Variants in CDC42EP1 observed in about 807,000 individuals in gnomAD.
CDC42EP1 encodes the protein 55 kDa bone marrow stromal/endothelial cell protein.
Under a neutral mutation model 7.4 loss-of-function variants are expected in CDC42EP1, and 6 were observed. That is an observed-to-expected ratio of 0.81 (90% confidence interval 0.44 to 1.60). The LOEUF is 1.60. Among genes scored for constraint, CDC42EP1 ranks in the 40% most tolerant of loss-of-function variants. CDC42EP1 has a pLI of 0.01. For missense variants in CDC42EP1, 567 were observed against 539.0 expected (o/e 1.05, Z -0.51); for synonymous variants, 238 against 227.1 (o/e 1.05, Z -0.43).
At chr22:37,567,973 G>A (rs1488388127) in intron 2 of CDC42EP1, 135 bp from the exon 3 acceptor site, 6 of 713,662 alleles carry the variant, frequency 8.4e-6, no homozygotes, top group African/African-American at 5.3e-5. Context: ...CTATTGGAAA[G>A]ATGGGAGAAA....
At chr22:37,564,832 G>T (rs945546368) in intron 1 of CDC42EP1, among the ~76,000 whole-genome samples, 6 of 152,214 alleles carry the variant, frequency 3.9e-5, no homozygotes, top group Non-Finnish European at 8.8e-5. Context: ...AGGCTGGAGT[G>T]CAGTGGCGCA....
intron 1 of CDC42EP1, among the ~76,000 whole-genome samples, chr22:37,564,980 A>T (rs565523126): frequency 2.2e-4 from 33 of 152,036 alleles, no homozygotes; most frequent in Non-Finnish European, 3.8e-4. Context: ...GGGTTTCACC[A>T]TGTTGGCCAG....
Position 37,568,523 on chromosome 22 carries a change from G to C in CDC42EP1, c.879G>C (p.Gly293=), listed in dbSNP as rs560224489. Reference sequence around the variant, plus strand: ...ACTGTCCCAATGGGGTAACAGCTGGGTTGGGCCCAGTGGCTGAGGTGAAGT... The same window carrying C: ...ACTGTCCCAATGGGGTAACAGCTGGCTTGGGCCCAGTGGCTGAGGTGAAGT... ...HGHCPNGVTA[G]LGPVAEVKSS... Residue 293 remains glycine, a synonymous_variant, in exon 3 of 3, where the codon GGG becomes GGC. Coordinates refer to ENST00000249014, the MANE Select transcript of CDC42EP1 (RefSeq NM_152243.3). 1 of 1,609,952 alleles carries C rather than the reference G, an allele frequency of 6.2e-7. No homozygotes were observed. The highest frequency in any genetic ancestry group is 1.3e-5 in the African/African-American group (1 of 75,004).
chr22:37,563,990 C>G (rs1018396474), intron 1 of CDC42EP1, among the ~76,000 whole-genome samples: 23 of 152,358 alleles, frequency 1.5e-4, no homozygotes, highest in African/African-American at 5.3e-4. Flanking sequence ...CCTCCCCACC[C>G]TCCAAGTGCA....
At position 37,568,339 on chromosome 22, in the gene CDC42EP1, C is replaced by T. The variant is rs144367023; in HGVS notation, c.695C>T (p.Pro232Leu). 10 of 1,604,956 alleles carry T rather than the reference C, an allele frequency of 6.2e-6. No individual in the cohort carries two copies. The highest frequency in any genetic ancestry group is 3.3e-5 in the South Asian group (3 of 90,848). The change falls in exon 3 of 3, where the codon CCA (proline) becomes CTA (leucine). Residue 232 changes from proline (P) to leucine (L), a missense_variant. Pro to Leu is a moderately conservative substitution (Grantham distance 98, BLOSUM62 -3). Coordinates refer to ENST00000249014, the MANE Select transcript of CDC42EP1 (RefSeq NM_152243.3). The part of the protein sequence containing the change: ...AETPAPAANP[P>L]APTANPTGPA... ...ACTCCAGCCCCCGCTGCAAACCCCC[C>T]AGCCCCTACTGCAAACCCCACGGGT...
intron 2 of CDC42EP1, among the ~76,000 whole-genome samples, chr22:37,567,876 C>G (rs1925302092): frequency 6.6e-6 from 1 of 152,238 alleles, no homozygotes; most frequent in African/African-American, 2.4e-5. Context: ...CTCACTTTCC[C>G]CATCTGCATA....
Position 37,568,183 on chromosome 22 carries a change from C to G in CDC42EP1, c.539C>G (p.Ser180Cys). The change falls in exon 3 of 3, where the codon TCC becomes TGC. Residue 180 changes from serine (S) to cysteine (C), a missense_variant. Transcript: ENST00000249014. ...CCGCATGACCGAGACCGGGATGGTT[C>G]CTTCCCCTCTGAGCCCGGGCTTCGC... ...EKPHDRDRDG[S>C]FPSEPGLRRS... is the part of the protein sequence containing the mutation. The G allele has an allele frequency of 1.2e-6, 2 of 1,614,022 alleles. No homozygotes were observed. Among genetic ancestry groups the G allele is most frequent in the Middle Eastern group, 3.3e-4 (2 of 6,060 alleles).
At chr22:37,562,592 G>A (rs998440054) in intron 1 of CDC42EP1, among the ~76,000 whole-genome samples, 1 of 152,220 alleles carries the variant, frequency 6.6e-6, no homozygotes, top group Non-Finnish European at 1.5e-5. Context: ...TGGGAAGACC[G>A]GGTCCCAATA....
In CDC42EP1 at chr22:37,568,572, C is replaced by G. The variant is rs752982114; in HGVS notation, c.928C>G (p.Arg310Gly). ...GTCCAGCCCAGTGGGAGGGGGTCCC[C>G]GAGGACCTGCTGGCCCTGCCCTCGG... ...VKSSPVGGGP[R>G]GPAGPALGRH... The change falls in exon 3 of 3, where the codon CGA becomes GGA. Residue 310 changes from arginine (R) to glycine (G), a missense_variant. By Grantham distance (125) the Arg-to-Gly change is moderately radical. Transcript: ENST00000249014. The G allele has an allele frequency of 6.2e-7, 1 of 1,603,560 alleles. No homozygotes were observed. Among genetic ancestry groups the G allele is most frequent in the Non-Finnish European group, 8.5e-7 (1 of 1,175,398 alleles).
At position 37,568,562 on chromosome 22, in the gene CDC42EP1, A is replaced by AG; in HGVS notation, c.923dup (p.Pro309SerfsTer71). On this transcript the variant is annotated frameshift_variant, in exon 3 of 3. Coordinates refer to ENST00000249014, the MANE Select transcript of CDC42EP1 (RefSeq NM_152243.3). LOFTEE classifies it low-confidence loss of function (END_TRUNC). The stretch of plus-strand genomic sequence containing the variant: ...CTGAGGTGAAGTCCAGCCCAGTGGG[A>AG]GGGGGTCCCCGAGGACCTGCTGGCC... 2.5e-6 allele frequency: 4 copies of AG among 1,607,052 alleles called. No individual in the cohort carries two copies. The highest frequency in any genetic ancestry group is 2.7e-5 in the African/African-American group (2 of 74,938).
rs780902663 is a variant in CDC42EP1 at position 37,568,802 on chromosome 22, T to C, written c.1158T>C (p.Asp386=). ...NTFEFADAEE[D]DEVKV The stretch of plus-strand genomic sequence containing the variant: ...TTGAATTTGCGGATGCTGAGGAGGA[T>C]GATGAGGTCAAGGTGTGAGGGGCTG... The change falls in exon 3 of 3, where the codon GAT becomes GAC. Residue 386 remains aspartate, a synonymous_variant. Transcript: ENST00000249014. 2.0e-6 allele frequency: 3 copies of C among 1,494,048 alleles called. No individual in the cohort carries two copies. The Admixed American group carries it at 7.1e-5, about 35-fold the overall frequency. 92.5% of individuals were successfully genotyped at this position (1,494,048 alleles called of 1,614,324 possible). A position where few individuals can be genotyped will look rare whatever the true frequency, so the allele number is the denominator to read the frequency against.
intron 1 of CDC42EP1, among the ~76,000 whole-genome samples, chr22:37,560,911 G>C (rs376963111): frequency 6.6e-6 from 1 of 151,976 alleles, no homozygotes; most frequent in African/African-American, 2.4e-5. Flanking sequence ...CTTCCTGCGC[G>C]GGGGAAGGAA....
At position 37,566,251 on chromosome 22, in the gene CDC42EP1, G is replaced by T. The variant is rs914595744; in HGVS notation, c.-99G>T. Reference sequence around the variant, plus strand: ...TAGGAGAGTGCCATTTACAGCTTCCGCCAGGGCAAAGGAGCTGAGCAGCCA... The same window carrying T: ...TAGGAGAGTGCCATTTACAGCTTCCTCCAGGGCAAAGGAGCTGAGCAGCCA... On this transcript the variant is annotated 5_prime_UTR_variant, in exon 2 of 3. Transcript: ENST00000249014. The surrounding 1 kb of genome is among the most constrained non-coding windows in gnomAD (Gnocchi z 6.4). 4.3e-6 allele frequency: 3 copies of T among 693,346 alleles called. No homozygotes were observed. Among genetic ancestry groups the T allele is most frequent in the Non-Finnish European group, 7.0e-6 (3 of 427,768 alleles). The allele number at this position is 693,346 out of a possible 1,614,324, so 42.9% of individuals were successfully genotyped here. A position where few individuals can be genotyped will look rare whatever the true frequency, so the allele number is the denominator to read the frequency against.
At position 37,566,424 on chromosome 22, in the gene CDC42EP1, C is replaced by A; in HGVS notation, c.75C>A (p.Ser25=). 1 of 1,607,876 alleles carries A rather than the reference C, an allele frequency of 6.2e-7. No homozygotes were observed. The highest frequency in any genetic ancestry group is 8.5e-7 in the Non-Finnish European group (1 of 1,177,088). The part of the protein sequence containing the change: ...LGKLSPVGWV[S]SSQGKRRLTA... The stretch of plus-strand genomic sequence containing the variant: ...AGCTCTCGCCTGTGGGCTGGGTGTC[C>A]AGTTCACAGGGAAAGAGGCGGCTGA... Residue 25 remains serine, a synonymous_variant, in exon 2 of 3, where the codon TCC becomes TCA. Coordinates refer to ENST00000249014, the MANE Select transcript of CDC42EP1 (RefSeq NM_152243.3). This position sits in a 1 kb window ranked among gnomAD's most constrained non-coding sequence, Gnocchi z 6.4.
intron 1 of CDC42EP1, chr22:37,564,333 C>T (rs906261578): frequency 6.6e-6 from 1 of 152,190 alleles, no homozygotes; most frequent in African/African-American, 2.4e-5. Flanking sequence ...AAAGCTTGCT[C>T]CCTGACAGCA....
chr22:37,561,419 C>G (rs1201237738), intron 1 of CDC42EP1, among the ~76,000 whole-genome samples: 1 of 152,252 alleles, frequency 6.6e-6, no homozygotes, highest in African/African-American at 2.4e-5. Flanking sequence ...GGCTCTAACT[C>G]GGGGCGGTGG....
At chr22:37,562,769 CA>C (rs34912439) in intron 1 of CDC42EP1, among the ~76,000 whole-genome samples, 41,629 of 151,740 alleles carry the variant, frequency 0.27, 5,849 homozygotes, top group Middle Eastern at 0.34. Context: ...CATGGGGGTT[CA>C]GGGGGGAGGA....
intron 1 of CDC42EP1, among the ~76,000 whole-genome samples, chr22:37,561,651 GT>G: frequency 6.6e-6 from 1 of 152,308 alleles, no homozygotes; most frequent in Middle Eastern, 3.4e-3. Context: ...ACCAGAGCAG[GT>G]TTGGGGGAGC....
At chr22:37,561,298 G>A (rs905519187) in intron 1 of CDC42EP1, among the ~76,000 whole-genome samples, 1 of 152,230 alleles carries the variant, frequency 6.6e-6, no homozygotes, top group African/African-American at 2.4e-5. Flanking sequence ...GGAAACTGAG[G>A]CTTAGAGAGT....
Sources: allele counts gnomAD v4.1 joint callset (sites outside exome capture counted in the v4.1 genomes callset), GRCh38; gene constraint gnomAD v4.1.1; non-coding constraint Gnocchi (gnomAD v3.1); transcripts MANE v1.5; gene names NCBI Gene and HGNC (gene_info 2026-07-23, HGNC 2026-07-21).